Variants in ADAM28 observed in about 807,000 individuals in gnomAD.
ADAM28 encodes ADAM metallopeptidase domain 28, also known as disintegrin and metalloproteinase domain-containing protein 28.
Under a neutral mutation model 101.2 loss-of-function variants are expected in ADAM28, and 105 were observed. The ratio of observed to expected loss-of-function variants is 1.04; its 90% CI spans 0.89 to 1.22. The LOEUF is 1.22. ADAM28 is among the 50% of genes most tolerant of loss of function. The pLI is 0.00. For missense variants in ADAM28, 1,028 were observed against 945.4 expected, an observed-to-expected ratio of 1.09 and a Z score of -1.15; for synonymous variants, 322 against 310.6, an observed-to-expected ratio of 1.04 and a Z score of -0.39.
rs531320875 is a variant in ADAM28, at chr8:24,330,141, A to G, written c.1103+26A>G. On this transcript the variant is annotated intron_variant, in intron 11 of 22. Coordinates refer to ENST00000265769, the MANE Select transcript of ADAM28 (RefSeq NM_014265.6). The stretch of plus-strand genomic sequence containing the variant: ...GTGAGGCTCTCTGGGCCCTGGGGAC[A>G]TGCTATGTAGCCCTGGTTTTGATCC... 7 of 1,606,650 alleles carry G rather than the reference A, an allele frequency of 4.4e-6. No homozygotes were observed. In the African/African-American group the frequency reaches 6.7e-5, roughly 15 times the overall value.
rs112972104 is a variant in ADAM28, at chr8:24,300,130, CAT to C, written c.150+62_150+63del. On this transcript the variant is annotated intron_variant, in intron 2 of 22. Transcript: ENST00000265769. ...TTGATTTGAGATACATATATACACA[CAT>C]ATATATATCTATCTATGATGAGAGA... The C allele has an allele frequency of 2.6e-3, 3,415 of 1,329,672 alleles. 77 individuals are homozygous for C. In the African/African-American group the frequency reaches 0.044, roughly 17 times the overall value. 82.4% of individuals were successfully genotyped at this position (1,329,672 alleles called of 1,614,324 possible). A position where few individuals can be genotyped will look rare whatever the true frequency, so the allele number is the denominator to read the frequency against.
rs1441068101 is a variant in ADAM28, at chr8:24,354,434, A to G, written c.*30A>G. 6.3e-7 allele frequency: 1 copy of G among 1,599,266 alleles called. No individual in the cohort carries two copies. Among genetic ancestry groups the G allele is most frequent in the South Asian group, 1.1e-5 (1 of 88,404 alleles). ...ACAGCTAAGCAAGAACTAATGGCTA[A>G]ATTATCAACTTGGAAAACTGGAAAA... On this transcript the variant is annotated 3_prime_UTR_variant, in exon 23 of 23. Coordinates refer to ENST00000265769, the MANE Select transcript of ADAM28 (RefSeq NM_014265.6).
intron 18 of ADAM28, among the ~76,000 whole-genome samples, chr8:24,348,595 A>T (rs1815700499): frequency 6.6e-6 from 1 of 152,156 alleles, no homozygotes; most frequent in South Asian, 2.1e-4. Flanking sequence ...TACTTTTAGG[A>T]TGCTTTTGTT....
chr8:24,320,150 T>G (rs761543729), intron 6 of ADAM28, 86 bp from the exon 7 acceptor site: 5 of 975,780 alleles, frequency 5.1e-6, no homozygotes, highest in Non-Finnish European at 8.0e-6. Flanking sequence ...ATCAACCAAC[T>G]GCTTATAAAA....
At chr8:24,336,512 G>A (rs145322882) in intron 14 of ADAM28, among the ~76,000 whole-genome samples, 2,175 of 149,796 alleles carry the variant, frequency 0.015, 58 homozygotes, top group African/African-American at 0.05. Flanking sequence ...CCCAGGAGGC[G>A]GAGCTTGCCG....
chr8:24,332,984 A>G (rs965886525), intron 13 of ADAM28, among the ~76,000 whole-genome samples: 5 of 152,210 alleles, frequency 3.3e-5, no homozygotes, highest in African/African-American at 1.2e-4. Context: ...TGCAGAGTAG[A>G]AAATGAACAA....
At chr8:24,337,832 G>C (rs1814280402) in intron 14 of ADAM28, among the ~76,000 whole-genome samples, 1 of 152,088 alleles carries the variant, frequency 6.6e-6, no homozygotes, top group African/African-American at 2.4e-5. Context: ...TCCAAGTATT[G>C]AAAATGTGGC....
In ADAM28 at chr8:24,331,411, A is replaced by G. The variant is rs142159620; in HGVS notation, c.1281+84A>G. The G allele has an allele frequency of 4.8e-4, 653 of 1,348,380 alleles. 3 individuals carry two copies. Among genetic ancestry groups the G allele is most frequent in the South Asian group, 3.1e-3 (191 of 61,838 alleles). 83.5% of individuals were successfully genotyped at this position (1,348,380 alleles called of 1,614,324 possible). On this transcript the variant is annotated intron_variant, in intron 12 of 22. Transcript: ENST00000265769. ...ACTACAAAATAATGTGTGGCCCGCT[A>G]TAACATTATAGGTTTTTTGGGTAAT...
intron 6 of ADAM28, among the ~76,000 whole-genome samples, chr8:24,317,407 A>C (rs1387678531): frequency 6.6e-6 from 1 of 152,064 alleles, no homozygotes; most frequent in Non-Finnish European, 1.5e-5. Flanking sequence ...AATTTTTGAC[A>C]AGGGCACCAA....
intron 13 of ADAM28, 140 bp from the exon 14 acceptor site, chr8:24,335,306 G>T: frequency 7.3e-7 from 1 of 1,363,926 alleles, no homozygotes; most frequent in South Asian, 1.7e-5. Flanking sequence ...TTTAATTTAT[G>T]ACAATGTAAG....
At position 24,315,099 on chromosome 8, in the gene ADAM28, T is replaced by C. The variant is rs1287004975; in HGVS notation, c.576+1519T>C. On this transcript the variant is annotated intron_variant, in intron 6 of 22. Transcript: ENST00000265769. Reference sequence around the variant, plus strand: ...TACCTATAAATAATTACTAGGAATGTAAATGGATTAAATTTTCCAATCAAA... The same window carrying C: ...TACCTATAAATAATTACTAGGAATGCAAATGGATTAAATTTTCCAATCAAA... Among the ~76,000 whole-genome samples, 3 of 152,012 alleles carry C rather than the reference T, an allele frequency of 2.0e-5. No homozygotes were observed. In the East Asian group the frequency reaches 5.8e-4, roughly 29 times the overall value.
chr8:24,348,442 T>C (rs942349283), intron 18 of ADAM28, among the ~76,000 whole-genome samples: 1 of 152,124 alleles, frequency 6.6e-6, no homozygotes, highest in Non-Finnish European at 1.5e-5. Context: ...ACAGTTTACA[T>C]TAGGGTTTGC....
At chr8:24,344,948 G>T (rs558028297) in intron 18 of ADAM28, among the ~76,000 whole-genome samples, 28 of 151,314 alleles carry the variant, frequency 1.9e-4, no homozygotes, top group Non-Finnish European at 3.2e-4. Flanking sequence ...AGCATGCATA[G>T]CAGGTTTGAT....
intron 14 of ADAM28, among the ~76,000 whole-genome samples, chr8:24,337,306 A>G (rs1814224118): frequency 6.6e-6 from 1 of 152,260 alleles, no homozygotes; most frequent in Admixed American, 6.5e-5. Context: ...GGCTAACTTC[A>G]GTATACGGCA....
At chr8:24,350,605 C>T (rs577738929) in intron 19 of ADAM28, among the ~76,000 whole-genome samples, 3 of 152,250 alleles carry the variant, frequency 2.0e-5, no homozygotes, top group East Asian at 1.9e-4. Flanking sequence ...GTCTCCACAC[C>T]CGGCCGTGTG....
At chr8:24,348,779 A>G (rs188157987) in intron 18 of ADAM28, among the ~76,000 whole-genome samples, 3 of 152,180 alleles carry the variant, frequency 2.0e-5, no homozygotes, top group East Asian at 1.9e-4. Flanking sequence ...CTGTGCCCCA[A>G]TTTTAGCTCC....
In ADAM28 at chr8:24,349,506, A is replaced by G. The variant is rs550873002; in HGVS notation, c.1991-358A>G. ...AGTTTCTTTTTCTCTGTTTTATTCC[A>G]AGACTGCTTTTCAAAAATGTTTCAT... On this transcript the variant is annotated intron_variant, in intron 18 of 22. Transcript: ENST00000265769. Among the ~76,000 whole-genome samples, 52 of 152,258 alleles carry G rather than the reference A, an allele frequency of 3.4e-4. 1 individual carries two copies. In the South Asian group the frequency reaches 0.011, roughly 31 times the overall value.
chr8:24,306,879 C>G (rs569649915), intron 2 of ADAM28, among the ~76,000 whole-genome samples: 9 of 152,234 alleles, frequency 5.9e-5, no homozygotes, highest in Non-Finnish European at 1.3e-4. Flanking sequence ...TGCTGCATGC[C>G]TCATATCTCA....
intron 15 of ADAM28, chr8:24,340,964 A>G (rs1367002245): frequency 6.6e-6 from 1 of 152,190 alleles, no homozygotes; most frequent in Non-Finnish European, 1.5e-5. Flanking sequence ...CTTCAGGGAG[A>G]CAGTTCTTTT....
Sources: gnomAD v4.1 joint callset for allele counts (sites outside exome capture counted in the v4.1 genomes callset) on GRCh38, gnomAD v4.1.1 for gene constraint, MANE v1.5 for transcripts, NCBI Gene and HGNC (gene_info 2026-07-23, HGNC 2026-07-21) for gene names.